Variants in TPCN1 observed in about 807,000 individuals in gnomAD.
The protein encoded by TPCN1 is two pore segment channel 1.
Under a neutral mutation model 108.8 loss-of-function variants are expected in TPCN1, and 52 were observed. That is an observed-to-expected ratio of 0.48 (90% CI 0.38 to 0.60). TPCN1 has a LOEUF of 0.60. Ranked by LOEUF, TPCN1 falls within the 20% of genes least tolerant of loss-of-function variation. The pLI is 0.00. For missense variants in TPCN1, 806 were observed against 1,072.8 expected (o/e 0.75, Z 3.47); for synonymous variants, 446 against 433.7 (o/e 1.03, Z -0.35).
At chr12:113,267,815 G>A in intron 4 of TPCN1, 28 bp from the exon 5 acceptor site, 1 of 1,546,382 alleles carries the variant, frequency 6.5e-7, no homozygotes, top group Non-Finnish European at 8.9e-7. Context: ...GGCTGGCCAT[G>A]ACACATCTCC....
chr12:113,236,295 C>T (rs1166817281), intron 2 of TPCN1, among the ~76,000 whole-genome samples: 1 of 152,190 alleles, frequency 6.6e-6, no homozygotes, highest in Non-Finnish European at 1.5e-5. Context: ...TACAGCTTGG[C>T]ATCTGAGTCT....
chr12:113,278,865 G>A (rs1216006119), intron 14 of TPCN1, 30 bp downstream of exon 14: 2 of 1,608,222 alleles, frequency 1.2e-6, no homozygotes, highest in Non-Finnish European at 1.7e-6. Flanking sequence ...GCAGGTGTTG[G>A]CAGCTGGGGG....
chr12:113,225,333 A>G, intron 1 of TPCN1: 2 of 435,628 alleles, frequency 4.6e-6, no homozygotes, highest in South Asian at 3.2e-5. Context: ...CGCTGAGATT[A>G]CAGGTGGGAG....
rs1247829773 is a variant in TPCN1, at chr12:113,282,087, ATTTTT to A, written c.1342+1909_1342+1913del. Among the ~76,000 whole-genome samples, 4 of 92,056 alleles carry A rather than the reference ATTTTT, an allele frequency of 4.3e-5. No homozygotes were observed. The East Asian group carries it at 1.2e-3, about 28-fold the overall frequency. The allele number at this position is 92,056 out of a possible 152,430, so 60.4% of individuals were successfully genotyped here. ...AGGTGCCCACCACCACACCCGGCTAATTTTTTTTTTTTTTTTTTTTTGAGACAGAA... is the reference window on the plus strand; with the variant it reads ...AGGTGCCCACCACCACACCCGGCTAATTTTTTTTTTTTTTTTGAGACAGAA... On this transcript the variant is annotated intron_variant, in intron 15 of 27. Coordinates refer to ENST00000335509, the MANE Select transcript of TPCN1 (RefSeq NM_017901.6).
In TPCN1 at chr12:113,272,574, C is replaced by A; in HGVS notation, c.749-84C>A. 1 of 1,249,364 alleles carries A rather than the reference C, an allele frequency of 8.0e-7. No individual in the cohort carries two copies. The highest frequency in any genetic ancestry group is 1.2e-6 in the Non-Finnish European group (1 of 847,560). 77.4% of individuals were successfully genotyped at this position (1,249,364 alleles called of 1,614,324 possible). ...CTTCCTGACCTGCTGCGTTCATTTGCATGTATTTGTCCAGTCCTTTTGACA... is the reference window on the plus strand; with the variant it reads ...CTTCCTGACCTGCTGCGTTCATTTGAATGTATTTGTCCAGTCCTTTTGACA... On this transcript the variant is annotated intron_variant, in intron 7 of 27. Coordinates refer to ENST00000335509, the MANE Select transcript of TPCN1 (RefSeq NM_017901.6). The surrounding 1 kb of genome is among the most constrained non-coding windows in gnomAD (Gnocchi z 4.1).
chr12:113,273,108 G>T lies in TPCN1; in HGVS notation c.784-124G>T. The stretch of plus-strand genomic sequence containing the variant: ...TTTGCTCTTTCCTCTGCCTCCCTCA[G>T]GGATTCCTTGAGAGATGCAAGAGCG... On this transcript the variant is annotated intron_variant, in intron 8 of 27. Transcript: ENST00000335509. This position sits in a 1 kb window ranked among gnomAD's most constrained non-coding sequence, Gnocchi z 4.0. 1 of 839,260 alleles carries T rather than the reference G, an allele frequency of 1.2e-6. No homozygotes were observed. Among genetic ancestry groups the T allele is most frequent in the South Asian group, 1.4e-5 (1 of 70,856 alleles). 52.0% of individuals were successfully genotyped at this position (839,260 alleles called of 1,614,324 possible).
chr12:113,280,319 C>T (rs942866960), intron 15 of TPCN1, 124 bp downstream of exon 15: 1 of 713,704 alleles, frequency 1.4e-6, no homozygotes, highest in South Asian at 2.0e-5. Flanking sequence ...GGGGAATTCC[C>T]AGCATGTATA....
At chr12:113,278,880 T>C in intron 14 of TPCN1, 45 bp downstream of exon 14, 2 of 1,583,502 alleles carry the variant, frequency 1.3e-6, no homozygotes, top group Non-Finnish European at 1.7e-6. Context: ...TGGGGGCCGA[T>C]GGAGGTTTTC....
At chr12:113,290,670 A>G (rs1399209337) in intron 22 of TPCN1, among the ~76,000 whole-genome samples, 1 of 152,084 alleles carries the variant, frequency 6.6e-6, no homozygotes, top group Non-Finnish European at 1.5e-5. Context: ...GTGTGCCCCC[A>G]TGACACCCCA....
In TPCN1 at chr12:113,268,668, G is replaced by GC; in HGVS notation, c.529-68dup. The GC allele has an allele frequency of 1.3e-6, 2 of 1,578,844 alleles. No individual in the cohort carries two copies. Among genetic ancestry groups the GC allele is most frequent in the Admixed American group, 1.7e-5 (1 of 58,828 alleles). On this transcript the variant is annotated intron_variant, in intron 5 of 27. Transcript: ENST00000335509. This position sits in a 1 kb window ranked among gnomAD's most constrained non-coding sequence, Gnocchi z 7.3. ...GGCCAGAGTGGGCACTGCCTCTCCA[G>GC]CCCCCCGTTCCAGGTATGCAGGATG...
chr12:113,257,885 C>T (rs1308463250), intron 2 of TPCN1, among the ~76,000 whole-genome samples: 1 of 151,368 alleles, frequency 6.6e-6, no homozygotes, highest in Non-Finnish European at 1.5e-5. Flanking sequence ...GTGAAAGAAT[C>T]CAAGCAAAAA....
chr12:113,265,609 C>T (rs1245286507), intron 3 of TPCN1, among the ~76,000 whole-genome samples: 2 of 150,610 alleles, frequency 1.3e-5, no homozygotes, highest in Non-Finnish European at 3.0e-5. Flanking sequence ...CGCAGTGGCA[C>T]GATCTTGGCT....
chr12:113,225,549 T>C (rs1222760519), intron 1 of TPCN1, among the ~76,000 whole-genome samples: 19 of 152,074 alleles, frequency 1.2e-4, no homozygotes. Flanking sequence ...TCTGTTTTTA[T>C]TTATTTATTT....
chr12:113,288,564 T>A lies in TPCN1; in HGVS notation c.1707-194T>A, dbSNP rs1209208907. The A allele has an allele frequency of 6.8e-7, 1 of 1,469,524 alleles. No individual in the cohort carries two copies. Among genetic ancestry groups the A allele is most frequent in the Admixed American group, 2.4e-5 (1 of 42,454 alleles). The allele number at this position is 1,469,524 out of a possible 1,614,324, so 91.0% of individuals were successfully genotyped here. A position where few individuals can be genotyped will look rare whatever the true frequency, so the allele number is the denominator to read the frequency against. ...TCTCTGGGAAAGGGGCATTTGTTCA[T>A]AGCGTCCTGACTTGAGCTGTTTTTC... is the stretch of plus-strand genomic sequence containing the variant. On this transcript the variant is annotated intron_variant, in intron 20 of 27. Coordinates refer to ENST00000335509, the MANE Select transcript of TPCN1 (RefSeq NM_017901.6). The surrounding 1 kb of genome is among the most constrained non-coding windows in gnomAD (Gnocchi z 4.8).
rs1172851714 is a variant in TPCN1, at chr12:113,223,435, C to CTTTTTTT, written c.-126+1820_-126+1826dup. On this transcript the variant is annotated intron_variant, in intron 1 of 27. Transcript: ENST00000335509. The stretch of plus-strand genomic sequence containing the variant: ...AGGTCTGCAGTCAGATCTGCTGAGT[C>CTTTTTTT]TTTTTTTTTTTTTTTTTGGTTCTTC... Among the ~76,000 whole-genome samples the CTTTTTTT allele has an allele frequency of 5.0e-3, 604 of 120,236 alleles. 12 individuals carry two copies. The highest frequency in any genetic ancestry group is 0.017 in the African/African-American group (550 of 31,956). The allele number at this position is 120,236 out of a possible 152,430, so 78.9% of individuals were successfully genotyped here.
At chr12:113,277,388 G>A (rs1216834314) in intron 12 of TPCN1, 24 bp downstream of exon 12, 3 of 1,613,658 alleles carry the variant, frequency 1.9e-6, no homozygotes, top group Admixed American at 1.7e-5. Context: ...CCTGGTAGGG[G>A]CAGCATGGCC....
At position 113,239,794 on chromosome 12, in the gene TPCN1, C is replaced by T. The variant is rs78702886; in HGVS notation, c.112+12830C>T. On this transcript the variant is annotated intron_variant, in intron 2 of 27. Transcript: ENST00000335509. Reference sequence around the variant, plus strand: ...CCTTCCATCTAAGCTTCCCCGTCGCCGCCCTACCATTTGTAGACTGCCTGT... The same window carrying T: ...CCTTCCATCTAAGCTTCCCCGTCGCTGCCCTACCATTTGTAGACTGCCTGT... 1.2e-4 allele frequency among the ~76,000 whole-genome samples: 18 copies of T among 152,348 alleles called. No individual in the cohort carries two copies. The East Asian group carries it at 2.9e-3, about 24-fold the overall frequency.
At chr12:113,247,681 T>A (rs1954452580) in intron 2 of TPCN1, among the ~76,000 whole-genome samples, 1 of 152,238 alleles carries the variant, frequency 6.6e-6, no homozygotes, top group African/African-American at 2.4e-5. Flanking sequence ...AGAATGGAAC[T>A]GTGGCTCCTC....
intron 2 of TPCN1, among the ~76,000 whole-genome samples, chr12:113,246,298 G>C (rs1360078857): frequency 6.6e-6 from 1 of 152,228 alleles, no homozygotes; most frequent in Non-Finnish European, 1.5e-5. Flanking sequence ...CTGCAGGCCT[G>C]CAAGGCTGCG....
Sources: allele counts gnomAD v4.1 joint callset (sites outside exome capture counted in the v4.1 genomes callset), GRCh38; gene constraint gnomAD v4.1.1; non-coding constraint Gnocchi (gnomAD v3.1); transcripts MANE v1.5; gene names NCBI Gene and HGNC (gene_info 2026-07-23, HGNC 2026-07-21).